The following HPSE2 variants were observed in gnomAD, a reference collection of about 807,000 sequenced individuals.
HPSE2 encodes heparanase 2 (inactive).
In HPSE2, 38 loss-of-function variants were observed where a neutral mutation model predicts 60.5. That is an observed-to-expected ratio of 0.63 (90% CI 0.48 to 0.82). The LOEUF (loss-of-function observed/expected upper bound fraction) is 0.82. Ranked by LOEUF, HPSE2 falls within the 40% of genes least tolerant of loss-of-function variation. The probability of loss-of-function intolerance (pLI) is 0.00; values close to 1 mark genes in which losing one functional copy is unlikely to be tolerated. For synonymous variants in HPSE2, 295 were observed against 293.2 expected, an observed-to-expected ratio of 1.01 and a Z score of -0.06; for missense variants, 713 against 740.4, an observed-to-expected ratio of 0.96 and a Z score of 0.43.
At chr10:98,971,501 C>T (rs998431580) in intron 3 of HPSE2, among the ~76,000 whole-genome samples, 7 of 152,016 alleles carry the variant, frequency 4.6e-5, no homozygotes, top group Non-Finnish European at 8.8e-5. Context: ...CTTACATATG[C>T]TTTTATAAAT....
At chr10:98,633,354 C>T (rs1946414689) in intron 7 of HPSE2, among the ~76,000 whole-genome samples, 1 of 151,978 alleles carries the variant, frequency 6.6e-6, no homozygotes, top group South Asian at 2.1e-4. Flanking sequence ...CATGTGATAC[C>T]ATGCCCAGCT....
intron 3 of HPSE2, among the ~76,000 whole-genome samples, chr10:98,872,606 T>A (rs1023065829): frequency 6.6e-6 from 1 of 152,126 alleles, no homozygotes; most frequent in African/African-American, 2.4e-5. Flanking sequence ...TACTTTTTAA[T>A]CCATAGGAAA....
At chr10:98,780,183 T>A (rs569202410) in intron 3 of HPSE2, among the ~76,000 whole-genome samples, 1 of 152,268 alleles carries the variant, frequency 6.6e-6, no homozygotes, top group South Asian at 2.1e-4. Flanking sequence ...AAGCAGGTGA[T>A]GTCTTCTTTC....
chr10:98,554,253 T>C (rs1023070738), intron 9 of HPSE2, among the ~76,000 whole-genome samples: 2 of 152,204 alleles, frequency 1.3e-5, no homozygotes, highest in South Asian at 4.1e-4. Context: ...AAACTCCCCA[T>C]GGACTCAGGC....
At position 98,509,195 on chromosome 10, in the gene HPSE2, T is replaced by C. The variant is rs532813115; in HGVS notation, c.1321-18999A>G. ...TGGGCATAGTGGTGTGCACCTGTAG[T>C]CCCAGACACTTGGGAGGCTGAGGCA... On this transcript the variant is annotated intron_variant, in intron 9 of 11. Transcript: ENST00000370552. Among the ~76,000 whole-genome samples the C allele has an allele frequency of 4.6e-5, 7 of 152,056 alleles. No individual in the cohort carries two copies. In the South Asian group the frequency reaches 6.2e-4, roughly 14 times the overall value.
chr10:99,112,031 T>G (rs1844482480), intron 3 of HPSE2, among the ~76,000 whole-genome samples: 1 of 152,212 alleles, frequency 6.6e-6, no homozygotes. Flanking sequence ...CAGCACATTC[T>G]AGGTGCTCAA....
At chr10:99,216,068 AAT>A (rs1298294094) in intron 2 of HPSE2, among the ~76,000 whole-genome samples, 1 of 152,196 alleles carries the variant, frequency 6.6e-6, no homozygotes, top group African/African-American at 2.4e-5. Flanking sequence ...TAATCTAAAA[AAT>A]GTTTGTCATG....
chr10:98,607,331 TA>T (rs2133958397), intron 9 of HPSE2, among the ~76,000 whole-genome samples: 1 of 152,318 alleles, frequency 6.6e-6, no homozygotes, highest in South Asian at 2.1e-4. Flanking sequence ...GCTGTAGCTG[TA>T]ATCCCTCAGT....
At chr10:98,887,947 T>C (rs182117904) in intron 3 of HPSE2, among the ~76,000 whole-genome samples, 1 of 136,296 alleles carries the variant, frequency 7.3e-6, no homozygotes, top group Non-Finnish European at 1.6e-5. Flanking sequence ...AATAAAAAAT[T>C]AAAAATTAAA....
At chr10:98,577,676 T>G (rs1944679823) in intron 9 of HPSE2, among the ~76,000 whole-genome samples, 1 of 152,174 alleles carries the variant, frequency 6.6e-6, no homozygotes, top group Admixed American at 6.5e-5. Flanking sequence ...TGGTGGTACT[T>G]TGGAGCCCTC....
chr10:98,459,550 G>A lies in HPSE2; in HGVS notation c.*24C>T. ...GTGGAAGCAGCCCAGCAGGCCCACT[G>A]GTAGCCGTGAGTGTGAGGATAGCTT... On this transcript the variant is annotated 3_prime_UTR_variant, in exon 12 of 12. Coordinates refer to ENST00000370552, the MANE Select transcript of HPSE2 (RefSeq NM_021828.5). The A allele has an allele frequency of 6.2e-7, 1 of 1,613,688 alleles. No individual in the cohort carries two copies. The highest frequency in any genetic ancestry group is 1.1e-5 in the South Asian group (1 of 91,026).
chr10:98,615,538 G>A (rs1483358948), intron 8 of HPSE2, among the ~76,000 whole-genome samples: 1 of 152,168 alleles, frequency 6.6e-6, no homozygotes, highest in Non-Finnish European at 1.5e-5. Context: ...ACTGTCAGTA[G>A]TCAATGCAAT....
intron 3 of HPSE2, among the ~76,000 whole-genome samples, chr10:99,112,158 G>A (rs1199062492): frequency 1.3e-5 from 2 of 152,134 alleles, no homozygotes; most frequent in Non-Finnish European, 2.9e-5. Flanking sequence ...TAAAATCCAG[G>A]TCTCTCAACT....
At chr10:98,606,985 C>T (rs1249356798) in intron 9 of HPSE2, among the ~76,000 whole-genome samples, 3 of 152,134 alleles carry the variant, frequency 2.0e-5, no homozygotes. Context: ...GTGGCATTCA[C>T]AAAAGTGCCT....
At chr10:99,276,279 C>T in the HPSE2 span, among the ~76,000 whole-genome samples, 2 of 152,122 alleles carry the variant, frequency 1.3e-5, no homozygotes, top group South Asian at 2.1e-4. Context: ...TCTACTAATG[C>T]CTATTTACAC....
chr10:99,107,767 G>T (rs917788360), intron 3 of HPSE2, among the ~76,000 whole-genome samples: 1 of 152,142 alleles, frequency 6.6e-6, no homozygotes, highest in Non-Finnish European at 1.5e-5. Context: ...GGAAGTTTCT[G>T]AACTTCTAGA....
At chr10:98,490,382 C>T (rs771713152) in intron 9 of HPSE2, among the ~76,000 whole-genome samples, 186 bp from the exon 10 acceptor site, 4 of 152,078 alleles carry the variant, frequency 2.6e-5, no homozygotes, top group Admixed American at 6.6e-5. Context: ...GAAACACGAA[C>T]GTGGGTTGAT....
intron 3 of HPSE2, among the ~76,000 whole-genome samples, chr10:99,118,733 C>T (rs1447276243): frequency 3.3e-5 from 5 of 151,550 alleles, no homozygotes; most frequent in Admixed American, 6.6e-5. Flanking sequence ...AAGGGCATCC[C>T]GGGCCGAGTG....
At chr10:98,994,481 A>G (rs1038531903) in intron 3 of HPSE2, among the ~76,000 whole-genome samples, 8 of 152,114 alleles carry the variant, frequency 5.3e-5, no homozygotes, top group African/African-American at 1.9e-4. Context: ...CTTCCCAAAC[A>G]GGCATCATAG....
Sources: allele counts gnomAD v4.1 joint callset (sites outside exome capture counted in the v4.1 genomes callset), GRCh38; gene constraint gnomAD v4.1.1; transcripts MANE v1.5; gene names NCBI Gene and HGNC (gene_info 2026-07-23, HGNC 2026-07-21).